Variants in DOCK10 observed in about 807,000 individuals in gnomAD.
The protein encoded by DOCK10 is dedicator of cytokinesis protein 10.
Under a neutral mutation model 280.1 loss-of-function variants are expected in DOCK10, and 145 were observed. The ratio of observed to expected loss-of-function variants is 0.52; its 90% CI spans 0.45 to 0.59. The LOEUF (loss-of-function observed/expected upper bound fraction) is 0.59. Ranked by LOEUF, DOCK10 falls within the 20% of genes least tolerant of loss-of-function variation. DOCK10 has a pLI of 0.00. For missense variants in DOCK10, 2,368 were observed against 2,651.7 expected, an observed-to-expected ratio of 0.89 and a Z score of 2.35; for synonymous variants, 915 against 942.2, an observed-to-expected ratio of 0.97 and a Z score of 0.53.
chr2:224,993,207 T>C (rs1559935448), intron 1 of DOCK10, among the ~76,000 whole-genome samples: 1 of 151,930 alleles, frequency 6.6e-6, no homozygotes, highest in African/African-American at 2.4e-5. Context: ...TGGAAGTTTT[T>C]TTTTTTTTTT....
chr2:224,951,191 T>C (rs1435334835), intron 1 of DOCK10, among the ~76,000 whole-genome samples: 2 of 152,212 alleles, frequency 1.3e-5, no homozygotes, highest in African/African-American at 2.4e-5. Flanking sequence ...GTTTATAGCT[T>C]ATAGGGTTGC....
intron 1 of DOCK10, among the ~76,000 whole-genome samples, chr2:224,944,628 G>T (rs566916596): frequency 6.6e-6 from 1 of 152,276 alleles, no homozygotes; most frequent in Non-Finnish European, 1.5e-5. Flanking sequence ...AGGTGAGAGC[G>T]GCAGGGAGAA....
intron 44 of DOCK10, 153 bp from the exon 45 acceptor site, chr2:224,795,247 T>C (rs1692484277): frequency 1.5e-6 from 1 of 653,242 alleles, no homozygotes; most frequent in Non-Finnish European, 2.6e-6. Flanking sequence ...GCATTCTATG[T>C]TTTGTGACTG....
chr2:224,852,906 AGAT>A (rs1696847815), intron 17 of DOCK10, 26 bp downstream of exon 17: 4 of 1,513,104 alleles, frequency 2.6e-6, no homozygotes, highest in Non-Finnish European at 3.6e-6. Context: ...TGAAAAGAAA[AGAT>A]GATATCTCTG....
intron 7 of DOCK10, among the ~76,000 whole-genome samples, chr2:224,881,827 G>A (rs1207797717): frequency 6.6e-6 from 1 of 152,172 alleles, no homozygotes; most frequent in Non-Finnish European, 1.5e-5. Flanking sequence ...TCCTTGTAAT[G>A]TTCTTTCCCC....
In DOCK10 at chr2:224,956,331, G is replaced by C. The variant is rs986945700; in HGVS notation, c.124-24663C>G. 2.6e-5 allele frequency among the ~76,000 whole-genome samples: 4 copies of C among 152,150 alleles called. No individual in the cohort carries two copies. The East Asian group carries it at 7.7e-4, about 29-fold the overall frequency. On this transcript the variant is annotated intron_variant, in intron 1 of 55. Coordinates refer to ENST00000258390, the MANE Select transcript of DOCK10 (RefSeq NM_014689.3). ...GGGTTTAGTAATCTGGCTTTATAAA[G>C]ACCATCCATTGGCGGGCACGGTGGC...
chr2:224,934,453 A>G (rs1387866178), intron 1 of DOCK10, among the ~76,000 whole-genome samples: 1 of 152,232 alleles, frequency 6.6e-6, no homozygotes, highest in Non-Finnish European at 1.5e-5. Flanking sequence ...TTGTGGACAT[A>G]AAGTTTAAAA....
At chr2:224,916,540 C>CA (rs35956360) in intron 3 of DOCK10, among the ~76,000 whole-genome samples, 155 bp downstream of exon 3, 4,663 of 110,612 alleles carry the variant, frequency 0.042, 126 homozygotes, top group East Asian at 0.08. Context: ...CACCCTCCCT[C>CA]AAAAAAAAAA....
At chr2:224,947,955 A>C (rs1045701968) in intron 1 of DOCK10, among the ~76,000 whole-genome samples, 2 of 152,248 alleles carry the variant, frequency 1.3e-5, no homozygotes, top group East Asian at 1.9e-4. Flanking sequence ...TACATTTATT[A>C]TGCTTAACAA....
chr2:224,800,648 G>A (rs901783785), intron 40 of DOCK10, among the ~76,000 whole-genome samples: 7 of 152,168 alleles, frequency 4.6e-5, no homozygotes, highest in East Asian at 1.9e-4. Context: ...TGTCTTTATC[G>A]GTTAAGGCAT....
Position 224,805,627 on chromosome 2 carries a change from G to C in DOCK10, c.3815-98C>G. 6.7e-7 allele frequency: 1 copy of C among 1,493,150 alleles called. No individual in the cohort carries two copies. The highest frequency in any genetic ancestry group is 1.4e-5 in the African/African-American group (1 of 72,394). The allele number at this position is 1,493,150 out of a possible 1,614,324, so 92.5% of individuals were successfully genotyped here. On this transcript the variant is annotated intron_variant, in intron 34 of 55. Coordinates refer to ENST00000258390, the MANE Select transcript of DOCK10 (RefSeq NM_014689.3). This position sits in a 1 kb window ranked among gnomAD's most constrained non-coding sequence, Gnocchi z 4.3. ...TGAACCAAAAAGATGTTGATACTGAGGTAGCAGCAGTGTTGTCAAAGACCA... is the reference window on the plus strand; with the variant it reads ...TGAACCAAAAAGATGTTGATACTGACGTAGCAGCAGTGTTGTCAAAGACCA...
At chr2:224,830,900 TTAAAC>T (rs1390770096) in intron 26 of DOCK10, among the ~76,000 whole-genome samples, 3 of 138,734 alleles carry the variant, frequency 2.2e-5, no homozygotes, top group Admixed American at 1.4e-4. Context: ...TTTCACCTAG[TTAAAC>T]AAAACTAAAC....
intron 31 of DOCK10, among the ~76,000 whole-genome samples, chr2:224,813,073 G>C (rs1032496201): frequency 6.6e-6 from 1 of 152,098 alleles, no homozygotes; most frequent in East Asian, 1.9e-4. Context: ...TAAGTGAGTA[G>C]GCCTTAATTG....
At position 224,765,595 on chromosome 2, in the gene DOCK10, A is replaced by G; in HGVS notation, c.*126T>C. The stretch of plus-strand genomic sequence containing the variant: ...CAGAGGTTGGCAAAATTCTGAAGCT[A>G]GCGAGGTAAACAAAAATATTAACAC... On this transcript the variant is annotated 3_prime_UTR_variant, in exon 56 of 56. Transcript: ENST00000258390. The G allele has an allele frequency of 1.6e-6, 1 of 629,214 alleles. No homozygotes were observed. Among genetic ancestry groups the G allele is most frequent in the South Asian group, 2.6e-5 (1 of 37,846 alleles). The allele number at this position is 629,214 out of a possible 1,614,324, so 39.0% of individuals were successfully genotyped here.
rs758229925 is a variant in DOCK10 at position 224,874,767 on chromosome 2, C to T, written c.932-16G>A. On this transcript the variant is annotated splice_polypyrimidine_tract_variant and intron_variant, in intron 8 of 55. Coordinates refer to ENST00000258390, the MANE Select transcript of DOCK10 (RefSeq NM_014689.3). ...TCCAGCGAATCTTAAAAAGATATAC[C>T]AAGTCAGGTTATTAAATATTACTCA... 6.2e-6 allele frequency: 10 copies of T among 1,605,570 alleles called. No individual in the cohort carries two copies. In the East Asian group the frequency reaches 2.2e-4, roughly 36 times the overall value.
At chr2:224,978,234 A>G (rs1435689691) in intron 1 of DOCK10, among the ~76,000 whole-genome samples, 1 of 152,148 alleles carries the variant, frequency 6.6e-6, no homozygotes, top group Non-Finnish European at 1.5e-5. Flanking sequence ...GGAGTTCGAG[A>G]CCAGCCTGGC....
At position 224,977,716 on chromosome 2, in the gene DOCK10, C is replaced by G. The variant is rs563759757; in HGVS notation, c.124-46048G>C. On this transcript the variant is annotated intron_variant, in intron 1 of 55. Transcript: ENST00000258390. ...CATCGTAACAGGCCATTGTAATGGTCTCAGATGTCAGGATTCATGTGTTTC... is the reference window on the plus strand; with the variant it reads ...CATCGTAACAGGCCATTGTAATGGTGTCAGATGTCAGGATTCATGTGTTTC... 5.9e-5 allele frequency among the ~76,000 whole-genome samples: 9 copies of G among 152,310 alleles called. No individual in the cohort carries two copies. In the South Asian group the frequency reaches 1.9e-3, roughly 32 times the overall value.
At chr2:224,979,769 C>G (rs1050375647) in intron 1 of DOCK10, among the ~76,000 whole-genome samples, 1 of 152,208 alleles carries the variant, frequency 6.6e-6, no homozygotes, top group African/African-American at 2.4e-5. Flanking sequence ...CATCCCGGCA[C>G]TTTTCTAAGC....
chr2:224,830,793 CA>C (rs1346634122), intron 26 of DOCK10, among the ~76,000 whole-genome samples, 181 bp from the exon 27 acceptor site: 1 of 152,118 alleles, frequency 6.6e-6, no homozygotes, highest in African/African-American at 2.4e-5. Context: ...TCAATCCTCT[CA>C]AAAAATGTTT....
Sources: gnomAD v4.1 joint callset for allele counts (sites outside exome capture counted in the v4.1 genomes callset) on GRCh38, gnomAD v4.1.1 for gene constraint, Gnocchi (gnomAD v3.1) non-coding constraint, MANE v1.5 for transcripts, NCBI Gene and HGNC (gene_info 2026-07-23, HGNC 2026-07-21) for gene names.